Variants in CLPB observed in about 807,000 individuals in gnomAD.
CLPB encodes the protein mitochondrial disaggregase.
A neutral mutation model predicts 78.4 loss-of-function variants in CLPB; 40 were observed. That is an observed-to-expected ratio of 0.51 (90% confidence interval 0.40 to 0.66). CLPB has a LOEUF of 0.66. Ranked by LOEUF, CLPB falls within the 30% of genes least tolerant of loss-of-function variation. The pLI is 0.00. For missense variants in CLPB, 780 were observed against 886.9 expected (o/e 0.88, Z 1.53); for synonymous variants, 333 against 348.0 (o/e 0.96, Z 0.48).
chr11:72,424,778 C>A (rs1397637165), intron 2 of CLPB, among the ~76,000 whole-genome samples: 1 of 151,876 alleles, frequency 6.6e-6, no homozygotes, highest in Non-Finnish European at 1.5e-5. Flanking sequence ...CCCAGCTACT[C>A]GGGAGGCTGA....
At chr11:72,337,673 A>G (rs1227356690) in intron 5 of CLPB, among the ~76,000 whole-genome samples, 1 of 152,198 alleles carries the variant, frequency 6.6e-6, no homozygotes, top group Non-Finnish European at 1.5e-5. Flanking sequence ...TACATAATAA[A>G]AAGTATTTTT....
intron 5 of CLPB, among the ~76,000 whole-genome samples, chr11:72,348,186 G>C (rs1950548828): frequency 6.6e-6 from 1 of 152,206 alleles, no homozygotes. Flanking sequence ...GGTTGCCTCT[G>C]AGGAGGACCA....
intron 2 of CLPB, among the ~76,000 whole-genome samples, chr11:72,406,712 T>C (rs528248013): frequency 7.2e-5 from 11 of 152,252 alleles, no homozygotes; most frequent in Non-Finnish European, 1.3e-4. Context: ...AAGCTGGCTC[T>C]AGGCACTTTG....
At chr11:72,345,045 C>T (rs1193171888) in intron 5 of CLPB, among the ~76,000 whole-genome samples, 1 of 152,168 alleles carries the variant, frequency 6.6e-6, no homozygotes, top group African/African-American at 2.4e-5. Flanking sequence ...GTTGGAGAGG[C>T]TACAAGGAAA....
At chr11:72,314,241 C>G (rs571891668) in intron 7 of CLPB, among the ~76,000 whole-genome samples, 1 of 152,146 alleles carries the variant, frequency 6.6e-6, no homozygotes, top group African/African-American at 2.4e-5. Flanking sequence ...AGAGGGTCAA[C>G]CGGGACTAGG....
intron 2 of CLPB, 64 bp from the exon 3 acceptor site, chr11:72,403,116 C>T: frequency 6.8e-7 from 1 of 1,461,604 alleles, no homozygotes; most frequent in Non-Finnish European, 9.6e-7. Flanking sequence ...TGACAACAGC[C>T]TAAAACAAGA....
intron 4 of CLPB, among the ~76,000 whole-genome samples, chr11:72,364,329 T>C (rs1427495938): frequency 3.3e-5 from 5 of 152,056 alleles, no homozygotes; most frequent in African/African-American, 7.2e-5. Context: ...TGCCTCAGCC[T>C]CCCGAGTAGC....
At chr11:72,326,660 C>T (rs1234643743) in intron 6 of CLPB, among the ~76,000 whole-genome samples, 1 of 151,974 alleles carries the variant, frequency 6.6e-6, no homozygotes, top group Non-Finnish European at 1.5e-5. Context: ...AGACAAAGAG[C>T]CAGGAGATGG....
At chr11:72,318,608 G>C (rs139388181) in intron 6 of CLPB, among the ~76,000 whole-genome samples, 68 of 152,336 alleles carry the variant, frequency 4.5e-4, no homozygotes, top group African/African-American at 1.5e-3. Context: ...TGCGGGCAGA[G>C]TGGATAAAAA....
chr11:72,375,284 T>C (rs778087209), intron 4 of CLPB, among the ~76,000 whole-genome samples: 3 of 152,184 alleles, frequency 2.0e-5, no homozygotes, highest in Non-Finnish European at 2.9e-5. Context: ...GAATTCGACA[T>C]TGCCCTGCTT....
chr11:72,401,921 GCTGGTAT>G lies in CLPB; in HGVS notation c.542+1038_542+1044del, dbSNP rs1855574897. 1.6e-4 allele frequency among the ~76,000 whole-genome samples: 25 copies of G among 152,260 alleles called. 1 individual carries two copies. The South Asian group carries it at 5.2e-3, about 32-fold the overall frequency. On this transcript the variant is annotated intron_variant, in intron 3 of 15. Coordinates refer to ENST00000538039, the MANE Select transcript of CLPB (RefSeq NM_001258392.3). ...AATGGAAAGGCAGCATCAGCACTAG[GCTGGTAT>G]CTGGCATCGGGAGGTAGCAGTGAGA...
At chr11:72,317,354 C>G in intron 6 of CLPB, 134 bp from the exon 7 acceptor site, 2 of 627,712 alleles carry the variant, frequency 3.2e-6, no homozygotes, top group Non-Finnish European at 5.3e-6. Context: ...TTCATGGTCA[C>G]TGGAGGCTGG....
intron 2 of CLPB, among the ~76,000 whole-genome samples, chr11:72,425,374 A>AGG (rs1159777973): frequency 6.6e-6 from 1 of 152,076 alleles, no homozygotes; most frequent in Non-Finnish European, 1.5e-5. Context: ...TGAATGAATT[A>AGG]ATCATTTTGT....
At chr11:72,342,368 T>C (rs1342215646) in intron 5 of CLPB, among the ~76,000 whole-genome samples, 2 of 152,180 alleles carry the variant, frequency 1.3e-5, no homozygotes. Context: ...CTCTGGTCAA[T>C]GCAAAGCTAA....
chr11:72,355,857 A>G lies in CLPB; in HGVS notation c.775+3023T>C, dbSNP rs189846591. On this transcript the variant is annotated intron_variant, in intron 5 of 15. Transcript: ENST00000538039. Reference sequence around the variant, plus strand: ...GGGGACCCTAAATCCCTGAGGACTAAGTAATTTCAAGGAAACTGTTCTGTG... The same window carrying G: ...GGGGACCCTAAATCCCTGAGGACTAGGTAATTTCAAGGAAACTGTTCTGTG... Among the ~76,000 whole-genome samples the G allele has an allele frequency of 2.6e-5, 4 of 152,348 alleles. No individual in the cohort carries two copies. In the East Asian group the frequency reaches 5.8e-4, roughly 22 times the overall value.
At chr11:72,434,009 A>G in intron 1 of CLPB, 63 bp downstream of exon 1, 3 of 1,562,404 alleles carry the variant, frequency 1.9e-6, no homozygotes, top group Non-Finnish European at 2.6e-6. Context: ...CCACCCTCCT[A>G]AGATACGAAG....
chr11:72,343,407 A>G (rs1178490284), intron 5 of CLPB, among the ~76,000 whole-genome samples: 1 of 152,182 alleles, frequency 6.6e-6, no homozygotes, highest in East Asian at 1.9e-4. Context: ...GGTTCTGGGA[A>G]CAGGAACTGT....
At chr11:72,412,976 C>G (rs1855920483) in intron 2 of CLPB, among the ~76,000 whole-genome samples, 1 of 152,142 alleles carries the variant, frequency 6.6e-6, no homozygotes, top group African/African-American at 2.4e-5. Context: ...AAATCACACA[C>G]ACACACACAC....
At chr11:72,335,583 CAGGA>C (rs938995530) in intron 5 of CLPB, among the ~76,000 whole-genome samples, 2 of 152,188 alleles carry the variant, frequency 1.3e-5, no homozygotes, top group African/African-American at 4.8e-5. Flanking sequence ...GCTTCTCCTC[CAGGA>C]AGGTTTCCTT....
Sources: gnomAD v4.1 joint callset for allele counts (sites outside exome capture counted in the v4.1 genomes callset) on GRCh38, gnomAD v4.1.1 for gene constraint, MANE v1.5 for transcripts, NCBI Gene and HGNC (gene_info 2026-07-23, HGNC 2026-07-21) for gene names.